NAV2: variants seen among roughly 807,000 people sequenced by gnomAD.
The protein encoded by NAV2 is neuron navigator 2.
A neutral mutation model predicts 223.2 loss-of-function variants in NAV2; 54 were observed. The ratio of observed to expected loss-of-function variants is 0.24; its 90% CI spans 0.19 to 0.30. NAV2 has a LOEUF of 0.30. Ranked by LOEUF, NAV2 falls within the 10% of genes least tolerant of loss-of-function variation. The probability of loss-of-function intolerance (pLI) is 1.00; values close to 1 mark genes in which losing one functional copy is unlikely to be tolerated. For missense variants in NAV2, 2,806 were observed against 3,147.5 expected, an observed-to-expected ratio of 0.89 and a Z score of 2.60; for synonymous variants, 1,279 against 1,239.3, an observed-to-expected ratio of 1.03 and a Z score of -0.67.
chr11:19,452,374 C>T (rs767055346), intron 1 of NAV2, among the ~76,000 whole-genome samples: 5 of 152,074 alleles, frequency 3.3e-5, no homozygotes, highest in African/African-American at 4.8e-5. Flanking sequence ...GGGAAGATGA[C>T]CATAAACAAA....
At chr11:19,425,030 G>C (rs1260264487) in intron 1 of NAV2, among the ~76,000 whole-genome samples, 1 of 152,096 alleles carries the variant, frequency 6.6e-6, no homozygotes, top group African/African-American at 2.4e-5. Context: ...TACTATGCTT[G>C]AGGCATTTTA....
chr11:19,672,815 T>C (rs1176938341), intron 1 of NAV2, among the ~76,000 whole-genome samples: 2 of 152,142 alleles, frequency 1.3e-5, no homozygotes, highest in African/African-American at 4.8e-5. Context: ...CAGGGAACCA[T>C]GCAGCTACTA....
At chr11:19,899,677 T>C (rs2042283033) in intron 6 of NAV2, among the ~76,000 whole-genome samples, 4 of 152,080 alleles carry the variant, frequency 2.6e-5, no homozygotes, top group Admixed American at 1.3e-4. Context: ...AGGCTCAAAG[T>C]TGTGAGGAAA....
chr11:19,422,651 C>G (rs1290536488), intron 1 of NAV2, among the ~76,000 whole-genome samples: 1 of 152,168 alleles, frequency 6.6e-6, no homozygotes, highest in Non-Finnish European at 1.5e-5. Flanking sequence ...GGTCTGGAGT[C>G]CAGCCTGTTC....
At chr11:19,651,418 AT>A (rs1443034821) in intron 1 of NAV2, among the ~76,000 whole-genome samples, 1 of 152,248 alleles carries the variant, frequency 6.6e-6, no homozygotes, top group Non-Finnish European at 1.5e-5. Context: ...TGTGATGCAC[AT>A]GAAACATATA....
At chr11:19,670,190 A>C (rs1019112674) in intron 1 of NAV2, among the ~76,000 whole-genome samples, 1 of 152,030 alleles carries the variant, frequency 6.6e-6, no homozygotes, top group Non-Finnish European at 1.5e-5. Flanking sequence ...ACTCCTTGCC[A>C]CTCACAGCAG....
chr11:19,694,566 A>G (rs1434581465), intron 1 of NAV2, among the ~76,000 whole-genome samples: 1 of 152,114 alleles, frequency 6.6e-6, no homozygotes, highest in Non-Finnish European at 1.5e-5. Flanking sequence ...GATGAAAGTA[A>G]CCCACCTCTG....
At chr11:19,683,492 A>G (rs568621668) in intron 1 of NAV2, among the ~76,000 whole-genome samples, 7 of 152,362 alleles carry the variant, frequency 4.6e-5, no homozygotes, top group East Asian at 1.9e-4. Context: ...CAAATCCCCT[A>G]TGCTGGCATT....
intron 26 of NAV2, among the ~76,000 whole-genome samples, chr11:20,087,383 T>C (rs567295908): frequency 1.3e-5 from 2 of 152,258 alleles, no homozygotes; most frequent in African/African-American, 4.8e-5. Context: ...TTCCAAAGGG[T>C]AGGCTGAGAG....
At chr11:19,708,899 T>TAAA (rs77460734), upstream of NAV2, among the ~76,000 whole-genome samples, 1 of 114,566 alleles carries the variant, frequency 8.7e-6, no homozygotes, top group Non-Finnish European at 1.9e-5. Flanking sequence ...ATGCATATAG[T>TAAA]AAAAAAAAAA....
At chr11:19,426,009 T>C (rs1850812872) in intron 1 of NAV2, among the ~76,000 whole-genome samples, 1 of 152,176 alleles carries the variant, frequency 6.6e-6, no homozygotes, top group South Asian at 2.1e-4. Flanking sequence ...AGAGTTCTGA[T>C]TTAGCAAGAT....
chr11:19,644,889 G>A (rs1033220002), intron 1 of NAV2, among the ~76,000 whole-genome samples: 7 of 152,190 alleles, frequency 4.6e-5, no homozygotes, highest in Non-Finnish European at 8.8e-5. Flanking sequence ...ACTGAATGTT[G>A]CATCTGGTAT....
At chr11:19,709,664 G>A (rs980488687), upstream of NAV2, among the ~76,000 whole-genome samples, 12 of 151,500 alleles carry the variant, frequency 7.9e-5, no homozygotes, top group African/African-American at 2.4e-4. Flanking sequence ...ACGAAACCCC[G>A]TCTCTACTAA....
intron 1 of NAV2, among the ~76,000 whole-genome samples, chr11:19,411,839 A>G (rs1010948661): frequency 3.3e-5 from 5 of 152,162 alleles, no homozygotes; most frequent in African/African-American, 1.2e-4. Flanking sequence ...CACTGGCTGC[A>G]CTGGGGAGTA....
intron 10 of NAV2, among the ~76,000 whole-genome samples, chr11:19,961,558 A>G (rs1277170654): frequency 6.6e-6 from 1 of 152,226 alleles, no homozygotes; most frequent in Non-Finnish European, 1.5e-5. Context: ...CTGTTCTGGA[A>G]GAAATGTACA....
chr11:19,381,186 T>C (rs1300126235), intron 1 of NAV2, among the ~76,000 whole-genome samples: 1 of 152,126 alleles, frequency 6.6e-6, no homozygotes, highest in Non-Finnish European at 1.5e-5. Context: ...TGAGGGAGAT[T>C]CTCTCCTCTG....
intron 1 of NAV2, among the ~76,000 whole-genome samples, chr11:19,499,835 A>C (rs2042908282): frequency 6.6e-6 from 1 of 152,214 alleles, no homozygotes; most frequent in South Asian, 2.1e-4. Flanking sequence ...TTCCCTGCAT[A>C]GGGTAGATTA....
At chr11:19,961,650 A>G in intron 10 of NAV2, among the ~76,000 whole-genome samples, 1 of 152,130 alleles carries the variant, frequency 6.6e-6, no homozygotes, top group East Asian at 1.9e-4. Context: ...CCATAGGGAA[A>G]TTTCTTCCTT....
chr11:19,674,187 A>T (rs1223338520), intron 1 of NAV2, among the ~76,000 whole-genome samples: 1 of 152,190 alleles, frequency 6.6e-6, no homozygotes. Context: ...TTACCTCTGC[A>T]TCAGGAACTC....
Sources: gnomAD v4.1 joint callset for allele counts (sites outside exome capture counted in the v4.1 genomes callset) on GRCh38, gnomAD v4.1.1 for gene constraint, MANE v1.5 for transcripts, NCBI Gene and HGNC (gene_info 2026-07-23, HGNC 2026-07-21) for gene names.